PCDHGA11: variants seen among roughly 807,000 people sequenced by gnomAD.
The protein encoded by PCDHGA11 is protocadherin gamma-A11.
A neutral mutation model predicts 60.4 loss-of-function variants in PCDHGA11; 39 were observed. The ratio of observed to expected loss-of-function variants is 0.65; its 90% CI spans 0.50 to 0.84. The LOEUF (loss-of-function observed/expected upper bound fraction) is 0.84, where lower values mean the gene tolerates loss of function less well. PCDHGA11 is among the 40% of genes least tolerant of loss of function. The probability of loss-of-function intolerance (pLI) is 0.00; values close to 1 mark genes in which losing one functional copy is unlikely to be tolerated. For missense variants in PCDHGA11, 1,165 were observed against 1,197.7 expected (o/e 0.97, Z 0.40); for synonymous variants, 533 against 510.3 (o/e 1.04, Z -0.60).
At position 141,476,639 on chromosome 5, in the gene PCDHGA11, A is replaced by G; in HGVS notation, c.2434-18168A>G. 1.2e-6 allele frequency: 2 copies of G among 1,614,206 alleles called. No individual in the cohort carries two copies. Among genetic ancestry groups the G allele is most frequent in the Non-Finnish European group, 1.7e-6 (2 of 1,180,038 alleles). On this transcript the variant is annotated intron_variant, in intron 1 of 3. Transcript: ENST00000398587. The surrounding 1 kb of genome is among the most constrained non-coding windows in gnomAD (Gnocchi z 7.6). ...CAACTCTTTACAAACCTATGAGCTG[A>G]GCCGAAATGAATACTTTGCGCTTCG...
chr5:141,492,552 T>A (rs1444534113), intron 1 of PCDHGA11, among the ~76,000 whole-genome samples: 1 of 152,084 alleles, frequency 6.6e-6, no homozygotes, highest in African/African-American at 2.4e-5. Context: ...CCGGGTCGCC[T>A]GGGGGGCGGC....
At position 141,512,280 on chromosome 5, in the gene PCDHGA11, TGGAAGGGTCAGC is replaced by T. The variant is rs1187119941; in HGVS notation, c.*1111_*1122del. The T allele has an allele frequency of 1.3e-5, 2 of 152,682 alleles. No individual in the cohort carries two copies. Among genetic ancestry groups the T allele is most frequent in the African/African-American group, 2.4e-5 (1 of 41,396 alleles). 9.5% of individuals were successfully genotyped at this position (152,682 alleles called of 1,614,324 possible). ...CTGGGTACTCCAGAGGTGCCACTGGTGGAAGGGTCAGCGGAGCCCCAGCAGGAAGGGTGGGCC... is the reference window on the plus strand; with the variant it reads ...CTGGGTACTCCAGAGGTGCCACTGGTGGAGCCCCAGCAGGAAGGGTGGGCC... On this transcript the variant is annotated 3_prime_UTR_variant, in exon 4 of 4. Transcript: ENST00000398587.
Position 141,485,465 on chromosome 5 carries a change from C to A in PCDHGA11, c.2434-9342C>A, listed in dbSNP as rs2099614061. 6.2e-7 allele frequency: 1 copy of A among 1,614,044 alleles called. No homozygotes were observed. Among genetic ancestry groups the A allele is most frequent in the African/African-American group, 1.3e-5 (1 of 74,918 alleles). ...AATCGACCGAGAGGCACTGTGTGGG[C>A]TCAGTGCCAGCTGCATCGTGCCCCT... On this transcript the variant is annotated intron_variant, in intron 1 of 3. Transcript: ENST00000398587. This position sits in a 1 kb window ranked among gnomAD's most constrained non-coding sequence, Gnocchi z 5.7.
Position 141,511,995 on chromosome 5 carries a change from A to G in PCDHGA11, c.*822A>G, listed in dbSNP as rs1049905198. The G allele has an allele frequency of 1.3e-5, 2 of 153,074 alleles. No homozygotes were observed. The highest frequency in any genetic ancestry group is 4.8e-5 in the African/African-American group (2 of 41,464). The allele number at this position is 153,074 out of a possible 1,614,324, so 9.5% of individuals were successfully genotyped here. On this transcript the variant is annotated 3_prime_UTR_variant, in exon 4 of 4. Transcript: ENST00000398587. The stretch of plus-strand genomic sequence containing the variant: ...GGATGTGGATGGTGGGGGCATGGAC[A>G]AAGCTTGACACATCAAGTTATCAAG...
At chr5:141,447,023 G>GTT (rs5871773) in intron 1 of PCDHGA11, among the ~76,000 whole-genome samples, 2,010 of 151,524 alleles carry the variant, frequency 0.013, 40 homozygotes, top group African/African-American at 0.047. Context: ...GTTTTGTTTT[G>GTT]TTTTTTTTCT....
intron 1 of PCDHGA11, among the ~76,000 whole-genome samples, chr5:141,472,969 A>G: frequency 6.8e-6 from 1 of 147,990 alleles, no homozygotes; most frequent in Non-Finnish European, 1.5e-5. Flanking sequence ...CTGGGGAACA[A>G]GAGTGAAACT....
chr5:141,490,605 C>A lies in PCDHGA11; in HGVS notation c.2434-4202C>A. On this transcript the variant is annotated intron_variant, in intron 1 of 3. Transcript: ENST00000398587. The surrounding 1 kb of genome is among the most constrained non-coding windows in gnomAD (Gnocchi z 5.4). ...TCAATGACAATGCACCCCGCTTCAA[C>A]CAGCAGCTTTACACTGCTTACATCC... 6.2e-6 allele frequency: 10 copies of A among 1,614,198 alleles called. No individual in the cohort carries two copies. The highest frequency in any genetic ancestry group is 8.5e-6 in the Non-Finnish European group (10 of 1,180,030).
Position 141,424,165 on chromosome 5 carries a change from A to G in PCDHGA11, c.2433+505A>G, listed in dbSNP as rs1328883463. 2.8e-5 allele frequency: 7 copies of G among 251,918 alleles called. No individual in the cohort carries two copies. The South Asian group carries it at 4.6e-4, about 17-fold the overall frequency. The allele number at this position is 251,918 out of a possible 1,614,324, so 15.6% of individuals were successfully genotyped here. On this transcript the variant is annotated intron_variant, in intron 1 of 3. Transcript: ENST00000398587. Reference sequence around the variant, plus strand: ...CTCCCTCTAGCTCTCCTTCTCATCTATCTATCTATACACATGCACACACAC... The same window carrying G: ...CTCCCTCTAGCTCTCCTTCTCATCTGTCTATCTATACACATGCACACACAC...
chr5:141,485,067 C>G lies in PCDHGA11; in HGVS notation c.2434-9740C>G, dbSNP rs944494894. On this transcript the variant is annotated intron_variant, in intron 1 of 3. Transcript: ENST00000398587. This position sits in a 1 kb window ranked among gnomAD's most constrained non-coding sequence, Gnocchi z 5.7. Reference sequence around the variant, plus strand: ...CGGCGCCGGCCGAACCGCGCCAGAGCTGGCGCGGGGAAAGGGAGATAGGTG... The same window carrying G: ...CGGCGCCGGCCGAACCGCGCCAGAGGTGGCGCGGGGAAAGGGAGATAGGTG... 21 of 894,418 alleles carry G rather than the reference C, an allele frequency of 2.3e-5. No individual in the cohort carries two copies. The highest frequency in any genetic ancestry group is 1.8e-4 in the Admixed American group (8 of 43,320). 55.4% of individuals were successfully genotyped at this position (894,418 alleles called of 1,614,324 possible). A position where few individuals can be genotyped will look rare whatever the true frequency, so the allele number is the denominator to read the frequency against.
rs1308803675 is a variant in PCDHGA11 at position 141,423,328 on chromosome 5, G to C, written c.2101G>C (p.Val701Leu). The C allele has an allele frequency of 6.2e-7, 1 of 1,614,194 alleles. No homozygotes were observed. The highest frequency in any genetic ancestry group is 1.3e-5 in the African/African-American group (1 of 75,074). The change falls in exon 1 of 4, where the codon GTC (valine) becomes CTC (leucine). Residue 701 changes from valine to leucine, a missense_variant. By Grantham distance (32) the Val-to-Leu change is conservative. Transcript: ENST00000398587. ...SLYLVVAVAA[V>L]SCIFLVFVIV... ...GTACTTGGTGGTGGCGGTGGCCGCA[G>C]TCTCCTGCATCTTCCTGGTCTTTGT... is the stretch of plus-strand genomic sequence containing the variant.
Position 141,432,726 on chromosome 5 carries a change from C to T in PCDHGA11, c.2433+9066C>T, listed in dbSNP as rs777248611. The T allele has an allele frequency of 3.1e-6, 5 of 1,614,092 alleles. No homozygotes were observed. Among genetic ancestry groups the T allele is most frequent in the Non-Finnish European group, 3.4e-6 (4 of 1,179,998 alleles). On this transcript the variant is annotated intron_variant, in intron 1 of 3. Coordinates refer to ENST00000398587, the MANE Select transcript of PCDHGA11 (RefSeq NM_018914.3). This position sits in a 1 kb window ranked among gnomAD's most constrained non-coding sequence, Gnocchi z 6.0. ...GACCACGGCCAGCCCCCTCTCTCCG[C>T]CACTGTCACGCTCACCGTGGCCGTG...
intron 1 of PCDHGA11, among the ~76,000 whole-genome samples, chr5:141,468,178 T>G (rs1033546956): frequency 1.3e-5 from 2 of 151,580 alleles, no homozygotes; most frequent in African/African-American, 4.8e-5. Context: ...TAGAAAAATT[T>G]GCTGGGCATG....
At chr5:141,460,849 G>A (rs908955373) in intron 1 of PCDHGA11, among the ~76,000 whole-genome samples, 1 of 150,224 alleles carries the variant, frequency 6.7e-6, no homozygotes, top group Non-Finnish European at 1.5e-5. Flanking sequence ...CCTCCAGTTC[G>A]ATCCAAGTTG....
At chr5:141,478,618 G>A (rs1374855853) in intron 1 of PCDHGA11, 1 of 1,556,056 alleles carries the variant, frequency 6.4e-7, no homozygotes, top group Non-Finnish European at 8.7e-7. Flanking sequence ...GGAAGGAATG[G>A]AGCTGTTTTT....
rs373446844 is a variant in PCDHGA11, at chr5:141,486,661, G to A, written c.2434-8146G>A. The A allele has an allele frequency of 3.1e-6, 5 of 1,613,836 alleles. No individual in the cohort carries two copies. In the African/African-American group the frequency reaches 4.0e-5, roughly 13 times the overall value. On this transcript the variant is annotated intron_variant, in intron 1 of 3. Transcript: ENST00000398587. The surrounding 1 kb of genome is among the most constrained non-coding windows in gnomAD (Gnocchi z 5.0). The stretch of plus-strand genomic sequence containing the variant: ...CGCTTATCTCCTACTCACTCCTGGA[G>A]CCCAGGAATCGAGATGTATCAGCTT...
At chr5:141,483,919 G>T (rs912152955) in intron 1 of PCDHGA11, among the ~76,000 whole-genome samples, 2 of 151,008 alleles carry the variant, frequency 1.3e-5, no homozygotes, top group South Asian at 2.1e-4. Flanking sequence ...CACTCAGATT[G>T]CAGGTCGTAG....
At chr5:141,501,628 C>T (rs1217355708) in intron 2 of PCDHGA11, among the ~76,000 whole-genome samples, 1 of 152,112 alleles carries the variant, frequency 6.6e-6, no homozygotes, top group Non-Finnish European at 1.5e-5. Flanking sequence ...TATAGTCTCT[C>T]AACCTCTCTG....
rs901230493 is a variant in PCDHGA11, at chr5:141,487,514, C to T, written c.2434-7293C>T. 7 of 1,614,150 alleles carry T rather than the reference C, an allele frequency of 4.3e-6. No homozygotes were observed. The highest frequency in any genetic ancestry group is 1.1e-5 in the South Asian group (1 of 91,070). On this transcript the variant is annotated intron_variant, in intron 1 of 3. Transcript: ENST00000398587. The surrounding 1 kb of genome is among the most constrained non-coding windows in gnomAD (Gnocchi z 5.0). Reference sequence around the variant, plus strand: ...TACACCCTTGGCTTCTGCACCCACTCGGAGTGATAGCTTCATGATGGTGAA... The same window carrying T: ...TACACCCTTGGCTTCTGCACCCACTTGGAGTGATAGCTTCATGATGGTGAA...
At chr5:141,473,066 A>G (rs1002054198) in intron 1 of PCDHGA11, among the ~76,000 whole-genome samples, 3 of 152,128 alleles carry the variant, frequency 2.0e-5, no homozygotes, top group African/African-American at 7.2e-5. Context: ...AACAAGTTAC[A>G]GCATCTTTGT....
Sources: gnomAD v4.1 joint callset for allele counts (sites outside exome capture counted in the v4.1 genomes callset) on GRCh38, gnomAD v4.1.1 for gene constraint, Gnocchi (gnomAD v3.1) non-coding constraint, MANE v1.5 for transcripts, NCBI Gene and HGNC (gene_info 2026-07-23, HGNC 2026-07-21) for gene names.